Variants in PCDHGB4 observed in about 807,000 individuals in gnomAD.
The protein encoded by PCDHGB4 is protocadherin gamma subfamily B, 4, also known as protocadherin gamma-B4.
A neutral mutation model predicts 60.5 loss-of-function variants in PCDHGB4; 38 were observed. That is an observed-to-expected ratio of 0.63 (90% confidence interval 0.48 to 0.82). The LOEUF is 0.82. PCDHGB4 is among the 40% of genes least tolerant of loss of function. The probability of loss-of-function intolerance (pLI) is 0.00; values close to 1 mark genes in which losing one functional copy is unlikely to be tolerated. For synonymous variants in PCDHGB4, 456 were observed against 509.7 expected (o/e 0.89, Z 1.42); for missense variants, 1,109 against 1,209.6 (o/e 0.92, Z 1.23).
chr5:141,410,640 G>A (rs747132686), intron 1 of PCDHGB4: 1 of 1,599,056 alleles, frequency 6.3e-7, no homozygotes, highest in Non-Finnish European at 8.5e-7. Flanking sequence ...TCTTTTTTGT[G>A]TGTGATTTAT....
chr5:141,454,779 A>G (rs1387404898), intron 1 of PCDHGB4, among the ~76,000 whole-genome samples: 2 of 146,092 alleles, frequency 1.4e-5, no homozygotes, highest in African/African-American at 2.6e-5. Context: ...ACAAGGAAAT[A>G]ATCCTCCATG....
chr5:141,390,518 T>C (rs1045172175), intron 1 of PCDHGB4: 28 of 570,804 alleles, frequency 4.9e-5, no homozygotes, highest in Middle Eastern at 4.8e-4. Context: ...TATAAAGCAA[T>C]GAGGGTGTGG....
chr5:141,409,452 A>T, intron 1 of PCDHGB4: 1 of 1,613,990 alleles, frequency 6.2e-7, no homozygotes, highest in Non-Finnish European at 8.5e-7. Context: ...CAGACACCAG[A>T]ATACAATGTC....
chr5:141,509,638 A>G (rs1204228233), intron 3 of PCDHGB4, among the ~76,000 whole-genome samples: 1 of 152,174 alleles, frequency 6.6e-6, no homozygotes, highest in Admixed American at 6.5e-5. Flanking sequence ...ATGCTGAGCC[A>G]GGGCCAGAGT....
intron 1 of PCDHGB4, chr5:141,439,815 T>C (rs1027862858): frequency 5.3e-5 from 8 of 152,314 alleles, no homozygotes; most frequent in African/African-American, 1.9e-4. Flanking sequence ...AAGGGGCTTA[T>C]TTGGGCTGGA....
chr5:141,389,691 T>A lies in PCDHGB4; in HGVS notation c.1807T>A (p.Ser603Thr). 1 of 1,612,564 alleles carries A rather than the reference T, an allele frequency of 6.2e-7. No homozygotes were observed. Among genetic ancestry groups the A allele is most frequent in the Non-Finnish European group, 8.5e-7 (1 of 1,179,796 alleles). ...AGACTCAGGACACAACGCCTGGCTG[T>A]CCTACCACGTGCTGCAGGCTAGCGA... ...DADSGHNAWL[S>T]YHVLQASEPG... Residue 603 changes from serine to threonine, a missense_variant, in exon 1 of 4, where the codon TCC becomes ACC. Transcript: ENST00000519479.
chr5:141,489,425 G>A lies in PCDHGB4; in HGVS notation c.2398-5382G>A, dbSNP rs779739693. 18 of 1,614,000 alleles carry A rather than the reference G, an allele frequency of 1.1e-5. No homozygotes were observed. Among genetic ancestry groups the A allele is most frequent in the South Asian group, 5.5e-5 (5 of 91,074 alleles). The stretch of plus-strand genomic sequence containing the variant: ...TTAAAGATGACAGATCTGTTGAGCC[G>A]GCGGCTGCAATTGGGCTCTGAGGAG... On this transcript the variant is annotated intron_variant, in intron 1 of 3. Transcript: ENST00000519479. This position sits in a 1 kb window ranked among gnomAD's most constrained non-coding sequence, Gnocchi z 4.5.
At chr5:141,405,054 C>T (rs773491411) in intron 1 of PCDHGB4, 7 of 1,613,806 alleles carry the variant, frequency 4.3e-6, no homozygotes, top group Admixed American at 1.7e-5. Flanking sequence ...GCAGTCGTCT[C>T]CTGTGTCTTC....
Position 141,485,369 on chromosome 5 carries a change from G to T in PCDHGB4, c.2398-9438G>T. On this transcript the variant is annotated intron_variant, in intron 1 of 3. Transcript: ENST00000519479. This position sits in a 1 kb window ranked among gnomAD's most constrained non-coding sequence, Gnocchi z 5.7. ...CAGTCTGTCAGCTCGCAGGCTGCAG[G>T]TCGCTGGAGAGGTGAACCAAAGACA... 1 of 1,614,154 alleles carries T rather than the reference G, an allele frequency of 6.2e-7. No individual in the cohort carries two copies. The highest frequency in any genetic ancestry group is 1.1e-5 in the South Asian group (1 of 91,088).
chr5:141,500,258 G>A lies in PCDHGB4; in HGVS notation c.2457-5135G>A, dbSNP rs2099798463. On this transcript the variant is annotated intron_variant, in intron 2 of 3. Coordinates refer to ENST00000519479, the MANE Select transcript of PCDHGB4 (RefSeq NM_003736.4). ...TAGCCTTGCTCTGTCACCCAGGCTG[G>A]ACTGCAGTGGCGCAATCTCGGCTCA... Among the ~76,000 whole-genome samples the A allele has an allele frequency of 2.0e-5, 3 of 150,738 alleles. No homozygotes were observed. In the South Asian group the frequency reaches 6.3e-4, roughly 32 times the overall value.
intron 1 of PCDHGB4, chr5:141,441,448 A>T (rs1415765869): frequency 1.2e-5 from 2 of 161,528 alleles, no homozygotes; most frequent in Non-Finnish European, 2.7e-5. Context: ...CAGCCCAAGC[A>T]TCACCCTACT....
chr5:141,422,685 C>G lies in PCDHGB4; in HGVS notation c.2397+32404C>G, dbSNP rs754112462. The G allele has an allele frequency of 2.5e-6, 4 of 1,605,144 alleles. No individual in the cohort carries two copies. The South Asian group carries it at 4.5e-5, about 18-fold the overall frequency. On this transcript the variant is annotated intron_variant, in intron 1 of 3. Coordinates refer to ENST00000519479, the MANE Select transcript of PCDHGB4 (RefSeq NM_003736.4). ...TCGACCCGGACAGCAAACAGAATGCCCTGGTCACTTACTCTCTGACGGATG... is the reference window on the plus strand; with the variant it reads ...TCGACCCGGACAGCAAACAGAATGCGCTGGTCACTTACTCTCTGACGGATG...
intron 1 of PCDHGB4, among the ~76,000 whole-genome samples, chr5:141,396,827 T>G (rs1339802094): frequency 6.6e-6 from 1 of 152,218 alleles, no homozygotes; most frequent in East Asian, 1.9e-4. Flanking sequence ...TGGTGCATAT[T>G]CAGTGGAGTG....
At chr5:141,433,326 A>G in intron 1 of PCDHGB4, 1 of 726,596 alleles carries the variant, frequency 1.4e-6, no homozygotes. Context: ...CCGGTGTAAC[A>G]GGGACTACAG....
At chr5:141,398,606 C>T in intron 1 of PCDHGB4, 1 of 1,614,000 alleles carries the variant, frequency 6.2e-7, no homozygotes, top group Non-Finnish European at 8.5e-7. Context: ...GCAGAAGATG[C>T]AGATATTGGC....
At chr5:141,427,945 A>G (rs747625541) in intron 1 of PCDHGB4, 22 of 1,586,364 alleles carry the variant, frequency 1.4e-5, no homozygotes, top group Middle Eastern at 1.7e-4. Flanking sequence ...GGCGACCTCA[A>G]TGACAATGTG....
Position 141,409,574 on chromosome 5 carries a change from G to C in PCDHGB4, c.2397+19293G>C, listed in dbSNP as rs752388742. ...CCCAGTTTTCGACCAGACGTCCTACGTGGTCCACGTGGCCGAGAACAACCC... is the reference window on the plus strand; with the variant it reads ...CCCAGTTTTCGACCAGACGTCCTACCTGGTCCACGTGGCCGAGAACAACCC... On this transcript the variant is annotated intron_variant, in intron 1 of 3. Coordinates refer to ENST00000519479, the MANE Select transcript of PCDHGB4 (RefSeq NM_003736.4). 32 of 1,613,902 alleles carry C rather than the reference G, an allele frequency of 2.0e-5. No individual in the cohort carries two copies. In the East Asian group the frequency reaches 6.9e-4, roughly 35 times the overall value.
chr5:141,393,898 C>T lies in PCDHGB4; in HGVS notation c.2397+3617C>T, dbSNP rs182092307. On this transcript the variant is annotated intron_variant, in intron 1 of 3. Transcript: ENST00000519479. ...AGCCCAGTGTTAGAAAATTCTCTTC[C>T]CGGGACAGTAATTGCCTTCTTGAGT... The T allele has an allele frequency of 3.0e-5, 49 of 1,613,956 alleles. No individual in the cohort carries two copies. The African/African-American group carries it at 5.1e-4, about 17-fold the overall frequency.
chr5:141,510,893 G>C (rs1334514746), intron 3 of PCDHGB4, 54 bp from the exon 4 acceptor site: 1 of 1,612,722 alleles, frequency 6.2e-7, no homozygotes, highest in African/African-American at 1.3e-5. Context: ...ATAAGACAGT[G>C]ACTGTTGAGG....
Sources: allele counts gnomAD v4.1 joint callset (sites outside exome capture counted in the v4.1 genomes callset), GRCh38; gene constraint gnomAD v4.1.1; non-coding constraint Gnocchi (gnomAD v3.1); transcripts MANE v1.5; gene names NCBI Gene and HGNC (gene_info 2026-07-23, HGNC 2026-07-21).